IPCEF1: variants seen among roughly 807,000 people sequenced by gnomAD.
IPCEF1 encodes interaction protein for cytohesin exchange factors 1, also known as interactor protein for cytohesin exchange factors 1.
IPCEF1 carries 31 observed loss-of-function variants against 50.9 expected under a neutral mutation model. That is an observed-to-expected ratio of 0.61 (90% CI 0.46 to 0.82). The LOEUF is 0.82. Among genes scored for constraint, IPCEF1 ranks in the 40% least tolerant of loss-of-function variants. The pLI, the probability that IPCEF1 is intolerant of heterozygous loss-of-function variation, is 0.00. For missense variants in IPCEF1, 458 were observed against 514.0 expected, an observed-to-expected ratio of 0.89 and a Z score of 1.05; for synonymous variants, 181 against 192.0, an observed-to-expected ratio of 0.94 and a Z score of 0.47.
At chr6:154,353,293 C>CTTTTTT (rs914097422) in intron 1 of IPCEF1, among the ~76,000 whole-genome samples, 19 of 127,854 alleles carry the variant, frequency 1.5e-4, no homozygotes, top group East Asian at 2.2e-4. Context: ...TTTCCTTTTC[C>CTTTTTT]TTTTTTTTTT....
intron 10 of IPCEF1, among the ~76,000 whole-genome samples, chr6:154,188,588 TA>T (rs1801590232): frequency 6.6e-6 from 1 of 152,234 alleles, no homozygotes. Flanking sequence ...TAAACACCCT[TA>T]AAAAAAGAAC....
intron 1 of IPCEF1, among the ~76,000 whole-genome samples, chr6:154,340,923 ATGTG>A (rs35576410): frequency 1.2e-4 from 17 of 146,356 alleles, no homozygotes; most frequent in Admixed American, 6.1e-4. Flanking sequence ...GTGTATATAT[ATGTG>A]TGTGTGTGTG....
At position 154,204,091 on chromosome 6, in the gene IPCEF1, G is replaced by C. The variant is rs535397461; in HGVS notation, c.538-4051C>G. ...TTTATATTTAAATGAGGAAGTTAAA[G>C]ACATTTCAAAAATCTTCGTTCTAGT... On this transcript the variant is annotated intron_variant, in intron 9 of 11. Coordinates refer to ENST00000367220, the MANE Select transcript of IPCEF1 (RefSeq NM_001130700.2). 1.1e-4 allele frequency among the ~76,000 whole-genome samples: 16 copies of C among 152,278 alleles called. 1 individual carries two copies. In the South Asian group the frequency reaches 3.1e-3, roughly 30 times the overall value.
intron 2 of IPCEF1, among the ~76,000 whole-genome samples, chr6:154,279,482 C>T (rs1017332917): frequency 7.2e-5 from 11 of 152,184 alleles, no homozygotes; most frequent in Admixed American, 2.0e-4. Context: ...TTTCCTTCTA[C>T]GAATTTTATT....
chr6:154,281,639 T>A (rs1009581099), intron 2 of IPCEF1, among the ~76,000 whole-genome samples: 1 of 151,826 alleles, frequency 6.6e-6, no homozygotes, highest in Non-Finnish European at 1.5e-5. Context: ...AGCCAGGTGA[T>A]AACTTGAGGC....
intron 2 of IPCEF1, among the ~76,000 whole-genome samples, chr6:154,279,684 GA>G (rs1782158786): frequency 6.6e-6 from 1 of 152,152 alleles, no homozygotes; most frequent in African/African-American, 2.4e-5. Flanking sequence ...TTAGAATTAA[GA>G]ATTCCCATTC....
At chr6:154,200,733 A>G (rs1225487048) in intron 9 of IPCEF1, among the ~76,000 whole-genome samples, 1 of 152,192 alleles carries the variant, frequency 6.6e-6, no homozygotes, top group Non-Finnish European at 1.5e-5. Flanking sequence ...GAAAAGAAAA[A>G]GAGAGCAAAA....
chr6:154,275,340 A>G lies in IPCEF1; in HGVS notation c.-17-9376T>C, dbSNP rs181102577. Among the ~76,000 whole-genome samples the G allele has an allele frequency of 1.4e-4, 22 of 152,308 alleles. No homozygotes were observed. In the East Asian group the frequency reaches 3.9e-3, roughly 27 times the overall value. On this transcript the variant is annotated intron_variant, in intron 2 of 11. Coordinates refer to ENST00000367220, the MANE Select transcript of IPCEF1 (RefSeq NM_001130700.2). ...CAGGAAACATTGGTAGCTCCTAGAC[A>G]AGGTATCAATTATGAGGCCCACTGC...
At position 154,210,445 on chromosome 6, in the gene IPCEF1, A is replaced by G. The variant is rs1777872991; in HGVS notation, c.537+2325T>C. ...CAGACATAGAGACAAAGACAGAGAC[A>G]GAGAGAAACTTAGCAAAAATACATA... is the stretch of plus-strand genomic sequence containing the variant. On this transcript the variant is annotated intron_variant, in intron 9 of 11. Transcript: ENST00000367220. 2.6e-5 allele frequency among the ~76,000 whole-genome samples: 4 copies of G among 152,352 alleles called. No homozygotes were observed. In the South Asian group the frequency reaches 8.3e-4, roughly 32 times the overall value.
chr6:154,348,197 T>C (rs572696393), intron 1 of IPCEF1, among the ~76,000 whole-genome samples: 11 of 152,326 alleles, frequency 7.2e-5, no homozygotes, highest in African/African-American at 2.6e-4. Context: ...TGAATAGTAC[T>C]CGAGTGCCTG....
intron 7 of IPCEF1, among the ~76,000 whole-genome samples, chr6:154,214,696 C>T (rs139399999): frequency 1.2e-3 from 176 of 152,030 alleles, no homozygotes; most frequent in Non-Finnish European, 1.9e-3. Context: ...AAAAAATGTA[C>T]GAAAAGATCA....
chr6:154,314,203 CA>C (rs1783156637), intron 1 of IPCEF1, among the ~76,000 whole-genome samples: 1 of 152,006 alleles, frequency 6.6e-6, no homozygotes, highest in South Asian at 2.1e-4. Context: ...ATTTTGATCA[CA>C]AAAAACAAGT....
intron 5 of IPCEF1, among the ~76,000 whole-genome samples, chr6:154,241,800 G>T (rs1780618914): frequency 6.6e-6 from 1 of 152,018 alleles, no homozygotes; most frequent in African/African-American, 2.4e-5. Context: ...TCACCTTCCG[G>T]CTCAAGAATA....
At chr6:154,288,138 G>A (rs1782410062) in intron 2 of IPCEF1, among the ~76,000 whole-genome samples, 1 of 152,260 alleles carries the variant, frequency 6.6e-6, no homozygotes, top group East Asian at 1.9e-4. Flanking sequence ...AGAAAGAGAA[G>A]GGCAATGGTC....
At chr6:154,308,900 T>C (rs1477332812) in intron 1 of IPCEF1, among the ~76,000 whole-genome samples, 1 of 152,374 alleles carries the variant, frequency 6.6e-6, no homozygotes, top group South Asian at 2.1e-4. Context: ...CGATAAGGTG[T>C]GACATCTGCA....
intron 1 of IPCEF1, among the ~76,000 whole-genome samples, chr6:154,316,609 C>T (rs556181151): frequency 6.6e-6 from 1 of 152,164 alleles, no homozygotes; most frequent in East Asian, 1.9e-4. Flanking sequence ...TGGTTAGTTA[C>T]CAAGGGTTAG....
chr6:154,265,361 A>G (rs1583922982), intron 3 of IPCEF1, among the ~76,000 whole-genome samples: 4 of 151,734 alleles, frequency 2.6e-5, no homozygotes, highest in Non-Finnish European at 5.9e-5. Flanking sequence ...GCTCACTGCA[A>G]CCTCCACTTC....
At chr6:154,196,398 C>T (rs566168425) in intron 10 of IPCEF1, among the ~76,000 whole-genome samples, 2 of 152,120 alleles carry the variant, frequency 1.3e-5, no homozygotes, top group South Asian at 4.2e-4. Flanking sequence ...GAATGCCTGC[C>T]TCTTCTTTAA....
At chr6:154,275,416 T>C (rs1782031371) in intron 2 of IPCEF1, among the ~76,000 whole-genome samples, 1 of 152,172 alleles carries the variant, frequency 6.6e-6, no homozygotes, top group Admixed American at 6.5e-5. Flanking sequence ...TCCAGGTCCC[T>C]ACTAGGGTAT....
Sources: gnomAD v4.1 joint callset for allele counts (sites outside exome capture counted in the v4.1 genomes callset) on GRCh38, gnomAD v4.1.1 for gene constraint, MANE v1.5 for transcripts, NCBI Gene and HGNC (gene_info 2026-07-23, HGNC 2026-07-21) for gene names.